Variants in ARAP2 observed in about 807,000 individuals in gnomAD.
The protein encoded by ARAP2 is ArfGAP with RhoGAP domain, ankyrin repeat and PH domain 2.
A neutral mutation model predicts 194.5 loss-of-function variants in ARAP2; 148 were observed. That is an observed-to-expected ratio of 0.76 (90% CI 0.67 to 0.87). The LOEUF (loss-of-function observed/expected upper bound fraction) is 0.87, where lower values mean the gene tolerates loss of function less well. Ranked by LOEUF, ARAP2 falls within the 40% of genes least tolerant of loss-of-function variation. The pLI, the probability that ARAP2 is intolerant of heterozygous loss-of-function variation, is 0.00. For synonymous variants in ARAP2, 695 were observed against 683.5 expected (o/e 1.02, Z -0.26); for missense variants, 2,128 against 1,989.7 (o/e 1.07, Z -1.32).
intron 20 of ARAP2, among the ~76,000 whole-genome samples, chr4:36,130,562 T>C (rs1212192279): frequency 1.3e-5 from 2 of 151,886 alleles, no homozygotes; most frequent in East Asian, 3.9e-4. Flanking sequence ...TCTGTTTCCA[T>C]GCCTTCTCTG....
chr4:36,139,291 T>C (rs908141852), intron 19 of ARAP2, among the ~76,000 whole-genome samples: 5 of 151,658 alleles, frequency 3.3e-5, no homozygotes, highest in African/African-American at 7.3e-5. Context: ...TTATATCCAA[T>C]GTGTTAAATT....
chr4:36,099,378 T>A (rs749612590), intron 27 of ARAP2, among the ~76,000 whole-genome samples: 1 of 152,104 alleles, frequency 6.6e-6, no homozygotes, highest in East Asian at 1.9e-4. Flanking sequence ...TTTCTACTTC[T>A]TGAAGGGCAT....
chr4:36,193,748 G>T, intron 6 of ARAP2, 101 bp from the exon 7 acceptor site: 2 of 893,788 alleles, frequency 2.2e-6, no homozygotes, highest in Non-Finnish European at 3.3e-6. Context: ...ATTATTTAAT[G>T]TTAAACACCA....
At chr4:36,184,398 A>G (rs1208475891) in intron 8 of ARAP2, among the ~76,000 whole-genome samples, 1 of 152,184 alleles carries the variant, frequency 6.6e-6, no homozygotes, top group African/African-American at 2.4e-5. Context: ...CCATGTGTAT[A>G]CAGTGTTTTC....
chr4:36,077,990 A>G (rs1728636555), intron 31 of ARAP2, among the ~76,000 whole-genome samples: 1 of 152,090 alleles, frequency 6.6e-6, no homozygotes, highest in Non-Finnish European at 1.5e-5. Context: ...ACCTTCCTCA[A>G]TTAGTGCCTT....
At chr4:36,033,335 T>C (rs1333108058) in intron 5 of ARAP2, among the ~76,000 whole-genome samples, 1 of 152,166 alleles carries the variant, frequency 6.6e-6, no homozygotes, top group Non-Finnish European at 1.5e-5. Context: ...TTATTACTAA[T>C]AGCCATTCTG....
chr4:36,023,087 T>C (rs1355827886), intron 5 of ARAP2, among the ~76,000 whole-genome samples: 1 of 152,200 alleles, frequency 6.6e-6, no homozygotes, highest in African/African-American at 2.4e-5. Flanking sequence ...TCCATTATTG[T>C]TTATATCTTG....
intron 8 of ARAP2, among the ~76,000 whole-genome samples, chr4:36,013,991 C>G (rs116834883): frequency 0.01 from 1,537 of 152,004 alleles, 29 homozygotes; most frequent in African/African-American, 0.035. Flanking sequence ...CTTTGGGAGG[C>G]TGAGGCAGGC....
chr4:36,231,336 AAAATAAAT>A (rs71653580), intron 1 of ARAP2, among the ~76,000 whole-genome samples: 3 of 151,114 alleles, frequency 2.0e-5, no homozygotes, highest in African/African-American at 7.3e-5. Context: ...CTTCATCTCA[AAAATAAAT>A]AAATAAATAA....
In ARAP2 at chr4:36,147,682, A is replaced by C. The variant is rs1560529782; in HGVS notation, c.3065T>G (p.Phe1022Cys). The C allele has an allele frequency of 6.2e-7, 1 of 1,613,314 alleles. No individual in the cohort carries two copies. Among genetic ancestry groups the C allele is most frequent in the Admixed American group, 1.7e-5 (1 of 59,912 alleles). ...ATCCAGGGCATGGCAGTCTTTGTAG[A>C]AGAGTTGACCAATCAAATCATAGTC... ...EADYDLIGQL[F>C]YKDCHALDQW... Residue 1022 changes from phenylalanine to cysteine, a missense_variant, in exon 18 of 33, where the codon TTC becomes TGC. Physicochemically the swap from Phe to Cys is radical, Grantham distance 205. Transcript: ENST00000303965.
At chr4:36,239,877 C>G (rs1489618273) in intron 1 of ARAP2, among the ~76,000 whole-genome samples, 2 of 152,132 alleles carry the variant, frequency 1.3e-5, no homozygotes, top group Non-Finnish European at 2.9e-5. Context: ...GACTTTTTTT[C>G]TCTCCTTTGG....
At chr4:36,207,358 C>A (rs1745776048) in intron 6 of ARAP2, among the ~76,000 whole-genome samples, 1 of 152,186 alleles carries the variant, frequency 6.6e-6, no homozygotes, top group Admixed American at 6.5e-5. Flanking sequence ...TACAGCCCCC[C>A]AAATTCAACA....
Position 36,067,995 on chromosome 4 carries a change from G to T in ARAP2, c.5027C>A (p.Pro1676Gln). ...KATLDSDHKL[P>Q]SRVIEELNVV... ...ATTAAGTTCTTCAATTACCCTTGAT[G>T]GTAACTTATGATCAGAGTCCAAAGT... The change falls in exon 33 of 33, where the codon CCA becomes CAA. Residue 1676 changes from proline (P) to glutamine (Q), a missense_variant. Physicochemically the swap from Pro to Gln is moderately conservative, Grantham distance 76. Coordinates refer to ENST00000303965, the MANE Select transcript of ARAP2 (RefSeq NM_015230.4). 1 of 1,614,124 alleles carries T rather than the reference G, an allele frequency of 6.2e-7. No homozygotes were observed.
intron 5 of ARAP2, among the ~76,000 whole-genome samples, chr4:36,022,996 G>A (rs549768582): frequency 1.3e-5 from 2 of 152,260 alleles, no homozygotes; most frequent in African/African-American, 4.8e-5. Flanking sequence ...TTTTGGATTT[G>A]TGTTTATCAT....
At chr4:36,144,051 A>G (rs1433196553) in intron 19 of ARAP2, among the ~76,000 whole-genome samples, 1 of 151,800 alleles carries the variant, frequency 6.6e-6, no homozygotes, top group African/African-American at 2.4e-5. Context: ...GAGGGGCTGG[A>G]CTGCATGCAG....
intron 9 of ARAP2, among the ~76,000 whole-genome samples, chr4:36,177,527 C>T (rs1411374187): frequency 6.6e-6 from 1 of 152,128 alleles, no homozygotes; most frequent in African/African-American, 2.4e-5. Context: ...ATTGTTCTCT[C>T]ATGTAGTCGT....
At position 36,067,922 on chromosome 4, in the gene ARAP2, C is replaced by T. The variant is rs756560603; in HGVS notation, c.5100G>A (p.Glu1700=). ...ATTTTATTTCCTACTTCAAAATCTG[C>T]TCATCCTGTAATTCTTTTGGAAGGG... ...SRTLPKELQD[E]QILK The change falls in exon 33 of 33, where the codon GAG becomes GAA. Residue 1700 remains glutamate, a synonymous_variant. Coordinates refer to ENST00000303965, the MANE Select transcript of ARAP2 (RefSeq NM_015230.4). The T allele has an allele frequency of 5.1e-6, 8 of 1,579,394 alleles. No homozygotes were observed. Among genetic ancestry groups the T allele is most frequent in the South Asian group, 2.3e-5 (2 of 86,416 alleles).
chr4:36,090,956 T>C (rs978865945), intron 28 of ARAP2, among the ~76,000 whole-genome samples: 2 of 152,134 alleles, frequency 1.3e-5, no homozygotes, highest in Admixed American at 1.3e-4. Flanking sequence ...TGTCGCAGTC[T>C]TATAAAAACC....
At chr4:36,022,153 G>A (rs1325456724) in intron 5 of ARAP2, among the ~76,000 whole-genome samples, 1 of 152,174 alleles carries the variant, frequency 6.6e-6, no homozygotes, top group African/African-American at 2.4e-5. Flanking sequence ...ATCATTGACT[G>A]AAACATAATT....
Sources: gnomAD v4.1 joint callset for allele counts (sites outside exome capture counted in the v4.1 genomes callset) on GRCh38, gnomAD v4.1.1 for gene constraint, MANE v1.5 for transcripts, NCBI Gene and HGNC (gene_info 2026-07-23, HGNC 2026-07-21) for gene names.